Variants in FBN2 observed in about 807,000 individuals in gnomAD.
FBN2 encodes the protein fibrillin 2, also known as fibrillin-2.
A neutral mutation model predicts 355.6 loss-of-function variants in FBN2; 105 were observed. The observed-to-expected ratio is 0.30, with a 90% CI of 0.25 to 0.35. The LOEUF is 0.35. FBN2 is among the 10% of genes least tolerant of loss of function. FBN2 has a pLI of 1.00. For missense variants in FBN2, 3,280 were observed against 3,758.7 expected, an observed-to-expected ratio of 0.87 and a Z score of 3.33; for synonymous variants, 1,350 against 1,301.2, an observed-to-expected ratio of 1.04 and a Z score of -0.81.
intron 11 of FBN2, among the ~76,000 whole-genome samples, chr5:128,386,404 G>A (rs1169788094): frequency 2.0e-5 from 3 of 151,936 alleles, no homozygotes; most frequent in Non-Finnish European, 4.4e-5. Flanking sequence ...TACCAGTACT[G>A]TACTGTTTTG....
chr5:128,400,868 C>T (rs1432787804), intron 8 of FBN2, among the ~76,000 whole-genome samples: 1 of 152,130 alleles, frequency 6.6e-6, no homozygotes, highest in East Asian at 1.9e-4. Context: ...CCCAGAATTC[C>T]CACATGTGGT....
At chr5:128,395,457 C>A (rs1052228087) in intron 8 of FBN2, among the ~76,000 whole-genome samples, 183 bp from the exon 9 acceptor site, 6 of 152,130 alleles carry the variant, frequency 3.9e-5, no homozygotes, top group African/African-American at 1.4e-4. Flanking sequence ...CAATGAAAGA[C>A]GTGGAGCAGA....
At chr5:128,347,333 T>A (rs983935822) in intron 23 of FBN2, among the ~76,000 whole-genome samples, 4 of 152,196 alleles carry the variant, frequency 2.6e-5, no homozygotes, top group African/African-American at 9.7e-5. Context: ...ATATCGGCAA[T>A]TAAAAGTCAG....
intron 6 of FBN2, among the ~76,000 whole-genome samples, chr5:128,452,906 T>A (rs1222646455): frequency 2.0e-5 from 3 of 152,034 alleles, no homozygotes; most frequent in Non-Finnish European, 4.4e-5. Context: ...ACTTTTGGAG[T>A]CCCCAGTGCT....
chr5:128,446,136 T>C, intron 7 of FBN2: 1 of 263,426 alleles, frequency 3.8e-6, no homozygotes, highest in South Asian at 4.5e-5. Flanking sequence ...TGTATTTCAC[T>C]TGGACTTCTT....
chr5:128,450,797 T>C (rs1754218097), intron 6 of FBN2, among the ~76,000 whole-genome samples: 1 of 152,080 alleles, frequency 6.6e-6, no homozygotes, highest in African/African-American at 2.4e-5. Context: ...TAAAAATAAA[T>C]GTGAATTTAC....
chr5:128,474,281 G>A (rs1241087668), intron 5 of FBN2, among the ~76,000 whole-genome samples: 1 of 152,154 alleles, frequency 6.6e-6, no homozygotes, highest in Non-Finnish European at 1.5e-5. Context: ...TTAAAGAGAT[G>A]AAAATATTTT....
chr5:128,497,348 G>C (rs1006995865), intron 5 of FBN2, among the ~76,000 whole-genome samples: 1 of 152,192 alleles, frequency 6.6e-6, no homozygotes, highest in African/African-American at 2.4e-5. Flanking sequence ...GGGCCACTTT[G>C]AACTATGAGC....
At chr5:128,326,709 T>G (rs982062598) in intron 34 of FBN2, among the ~76,000 whole-genome samples, 3 of 152,132 alleles carry the variant, frequency 2.0e-5, no homozygotes, top group Admixed American at 1.3e-4. Flanking sequence ...TGGAATTACA[T>G]TTTTTGGATC....
intron 6 of FBN2, among the ~76,000 whole-genome samples, chr5:128,448,882 A>C (rs1016704926): frequency 6.6e-6 from 1 of 152,080 alleles, no homozygotes; most frequent in Non-Finnish European, 1.5e-5. Flanking sequence ...TAGACATTGA[A>C]ATTATCATCC....
chr5:128,529,783 G>A (rs1352208155), intron 3 of FBN2, among the ~76,000 whole-genome samples: 1 of 152,196 alleles, frequency 6.6e-6, no homozygotes. Flanking sequence ...AAATCTTGAT[G>A]AATTTGAATG....
chr5:128,293,480 A>G (rs1391903324), intron 48 of FBN2, among the ~76,000 whole-genome samples: 1 of 152,088 alleles, frequency 6.6e-6, no homozygotes, highest in Admixed American at 6.5e-5. Context: ...TGACAGAGCG[A>G]GACTCCGTCT....
At chr5:128,460,942 G>C (rs1754539467) in intron 6 of FBN2, among the ~76,000 whole-genome samples, 1 of 152,088 alleles carries the variant, frequency 6.6e-6, no homozygotes, top group Non-Finnish European at 1.5e-5. Context: ...CATAGGCATG[G>C]GGGGAGACTT....
intron 7 of FBN2, among the ~76,000 whole-genome samples, chr5:128,423,225 G>A (rs1753397855): frequency 6.6e-6 from 1 of 152,076 alleles, no homozygotes; most frequent in African/African-American, 2.4e-5. Flanking sequence ...AGAAGGAAGA[G>A]CATTCACAAA....
intron 8 of FBN2, among the ~76,000 whole-genome samples, chr5:128,407,520 G>T (rs1752956973): frequency 6.6e-6 from 1 of 152,052 alleles, no homozygotes; most frequent in South Asian, 2.1e-4. Context: ...CCTTACACAC[G>T]GTATGTGTAA....
rs978738730 is a variant in FBN2, at chr5:128,305,407, T to C, written c.5674+104A>G. On this transcript the variant is annotated intron_variant, in intron 44 of 64. Coordinates refer to ENST00000262464, the MANE Select transcript of FBN2 (RefSeq NM_001999.4). Reference sequence around the variant, plus strand: ...AATAGGTTCACTATAAATGAACAGGTTAAGTGAGAAAATCTTTCCCAAATT... The same window carrying C: ...AATAGGTTCACTATAAATGAACAGGCTAAGTGAGAAAATCTTTCCCAAATT... 7 of 1,322,388 alleles carry C rather than the reference T, an allele frequency of 5.3e-6. No homozygotes were observed. In the African/African-American group the frequency reaches 1.0e-4, roughly 19 times the overall value. The allele number at this position is 1,322,388 out of a possible 1,614,324, so 81.9% of individuals were successfully genotyped here.
At position 128,296,114 on chromosome 5, in the gene FBN2, G is replaced by A. The variant is rs1488000307; in HGVS notation, c.6167-4460C>T. 6.6e-5 allele frequency among the ~76,000 whole-genome samples: 10 copies of A among 152,166 alleles called. 1 individual carries two copies. The South Asian group carries it at 2.1e-3, about 32-fold the overall frequency. On this transcript the variant is annotated intron_variant, in intron 48 of 64. Coordinates refer to ENST00000262464, the MANE Select transcript of FBN2 (RefSeq NM_001999.4). ...GATAATCATGTGGTTTTTGTTTTTG[G>A]TTCTGTTTATATGCTGGATTACATT... is the stretch of plus-strand genomic sequence containing the variant.
chr5:128,390,037 C>T (rs1020178131), intron 11 of FBN2, among the ~76,000 whole-genome samples: 4 of 152,068 alleles, frequency 2.6e-5, no homozygotes, highest in African/African-American at 9.7e-5. Flanking sequence ...TGCGGAAATC[C>T]CTTATCCTTC....
At chr5:128,367,547 G>A (rs539496614) in intron 16 of FBN2, among the ~76,000 whole-genome samples, 1 of 151,850 alleles carries the variant, frequency 6.6e-6, no homozygotes, top group African/African-American at 2.4e-5. Flanking sequence ...TACTATTTAG[G>A]CCTGCTTTGA....
Sources: allele counts gnomAD v4.1 joint callset (sites outside exome capture counted in the v4.1 genomes callset), GRCh38; gene constraint gnomAD v4.1.1; transcripts MANE v1.5; gene names NCBI Gene and HGNC (gene_info 2026-07-23, HGNC 2026-07-21).